MSI2: variants seen among roughly 807,000 people sequenced by gnomAD.
MSI2 encodes musashi RNA binding protein 2, also known as RNA-binding protein Musashi homolog 2.
Under a neutral mutation model 45.6 loss-of-function variants are expected in MSI2, and 17 were observed. That is an observed-to-expected ratio of 0.37 (90% CI 0.26 to 0.56). MSI2 has a LOEUF of 0.56. Ranked by LOEUF, MSI2 falls within the 20% of genes least tolerant of loss-of-function variation. The probability of loss-of-function intolerance (pLI) is 0.77; values close to 1 mark genes in which losing one functional copy is unlikely to be tolerated. For synonymous variants in MSI2, 156 were observed against 158.2 expected (o/e 0.99, Z 0.11); for missense variants, 293 against 444.2 (o/e 0.66, Z 3.06).
intron 8 of MSI2, among the ~76,000 whole-genome samples, chr17:57,608,755 A>C (rs1204415227): frequency 6.6e-6 from 1 of 152,212 alleles, no homozygotes; most frequent in Non-Finnish European, 1.5e-5. Context: ...GCAGGTACAC[A>C]GTAGGAGTTG....
intron 10 of MSI2, among the ~76,000 whole-genome samples, chr17:57,640,357 A>G (rs115978548): frequency 0.019 from 2,902 of 152,348 alleles, 58 homozygotes; most frequent in South Asian, 0.074. Flanking sequence ...CGAATTATCA[A>G]TGTTATCTAT....
Position 57,597,495 on chromosome 17 carries a change from C to G in MSI2, c.537+545C>G, listed in dbSNP as rs577542231. On this transcript the variant is annotated intron_variant, in intron 8 of 13. Coordinates refer to ENST00000284073, the MANE Select transcript of MSI2 (RefSeq NM_138962.4). ...AAAAAAAAAAAAAAAAAAAAATTAGCTGGGTGCAGTGCACCTGTACCCCAC... is the reference window on the plus strand; with the variant it reads ...AAAAAAAAAAAAAAAAAAAAATTAGGTGGGTGCAGTGCACCTGTACCCCAC... Among the ~76,000 whole-genome samples, 297 of 82,588 alleles carry G rather than the reference C, an allele frequency of 3.6e-3. 1 individual carries two copies. Among genetic ancestry groups the G allele is most frequent in the Middle Eastern group, 0.017 (3 of 178 alleles). 54.2% of individuals were successfully genotyped at this position (82,588 alleles called of 152,430 possible).
At chr17:57,303,730 G>A (rs1395676493) in intron 5 of MSI2, among the ~76,000 whole-genome samples, 3 of 152,198 alleles carry the variant, frequency 2.0e-5, no homozygotes, top group African/African-American at 7.2e-5. Context: ...CTTTGAGGAA[G>A]AAGACACTAG....
At chr17:57,574,688 G>C (rs1393777755) in intron 7 of MSI2, among the ~76,000 whole-genome samples, 1 of 152,188 alleles carries the variant, frequency 6.6e-6, no homozygotes, top group Non-Finnish European at 1.5e-5. Flanking sequence ...GTCTCTCTCT[G>C]AGTGTGGGTT....
intron 5 of MSI2, among the ~76,000 whole-genome samples, chr17:57,284,589 G>GT (rs1384062671): frequency 6.6e-6 from 1 of 152,176 alleles, no homozygotes; most frequent in Admixed American, 6.5e-5. Flanking sequence ...GTAATCCCAC[G>GT]TAAAACACTC....
chr17:57,622,134 T>G (rs1393451181), intron 9 of MSI2, among the ~76,000 whole-genome samples: 2 of 152,178 alleles, frequency 1.3e-5, no homozygotes, highest in Non-Finnish European at 2.9e-5. Context: ...GAGGCTGAGG[T>G]TGCAGTGAGC....
At chr17:57,570,571 C>T (rs1482095379) in intron 7 of MSI2, among the ~76,000 whole-genome samples, 16 of 152,184 alleles carry the variant, frequency 1.1e-4, no homozygotes, top group Admixed American at 1.0e-3. Flanking sequence ...AACACTCTTC[C>T]CTGCCTGCCT....
At chr17:57,389,659 G>T (rs1275076813) in intron 5 of MSI2, among the ~76,000 whole-genome samples, 1 of 152,174 alleles carries the variant, frequency 6.6e-6, no homozygotes, top group Admixed American at 6.5e-5. Flanking sequence ...TAATGAACAT[G>T]GCTTGCCACT....
At chr17:57,370,306 G>C (rs187849198) in intron 5 of MSI2, among the ~76,000 whole-genome samples, 1 of 152,336 alleles carries the variant, frequency 6.6e-6, no homozygotes, top group East Asian at 1.9e-4. Flanking sequence ...AATGCAGCTA[G>C]ATTGTGGAAA....
intron 5 of MSI2, among the ~76,000 whole-genome samples, chr17:57,281,312 C>G (rs1909396535): frequency 6.6e-6 from 1 of 152,178 alleles, no homozygotes; most frequent in African/African-American, 2.4e-5. Context: ...AGCACCTCTA[C>G]TACCTGCAAC....
chr17:57,660,185 T>C lies in MSI2; in HGVS notation c.790+8024T>C, dbSNP rs370364115. On this transcript the variant is annotated intron_variant, in intron 11 of 13. Transcript: ENST00000284073. The stretch of plus-strand genomic sequence containing the variant: ...TTCTCATTTCAATACTGTCTTTATA[T>C]TGGTTTTCCTCATGGTGGCAAAATG... Among the ~76,000 whole-genome samples the C allele has an allele frequency of 2.6e-5, 4 of 152,208 alleles. No homozygotes were observed. The East Asian group carries it at 7.7e-4, about 29-fold the overall frequency.
chr17:57,415,942 C>T (rs2084286549), intron 6 of MSI2, among the ~76,000 whole-genome samples: 1 of 152,090 alleles, frequency 6.6e-6, no homozygotes, highest in African/African-American at 2.4e-5. Flanking sequence ...TTTTTTTCCT[C>T]TTATGCTAAT....
intron 2 of MSI2, 22 bp downstream of exon 2, chr17:57,257,160 G>A (rs1002601634): frequency 3.4e-6 from 5 of 1,463,736 alleles, no homozygotes; most frequent in East Asian, 2.5e-5. Flanking sequence ...AGGGGGGGAC[G>A]CCTGGGTCCC....
chr17:57,567,001 G>A (rs548384564), intron 7 of MSI2, among the ~76,000 whole-genome samples: 1 of 152,314 alleles, frequency 6.6e-6, no homozygotes, highest in Admixed American at 6.5e-5. Context: ...GCCCTGGAGG[G>A]TGATGTTTCT....
chr17:57,646,006 G>A (rs1199476967), intron 10 of MSI2, among the ~76,000 whole-genome samples: 1 of 152,146 alleles, frequency 6.6e-6, no homozygotes, highest in Non-Finnish European at 1.5e-5. Context: ...GCTACTTCTT[G>A]TAGGCAGTGC....
chr17:57,578,287 A>G (rs935385712), intron 7 of MSI2, among the ~76,000 whole-genome samples: 1 of 152,192 alleles, frequency 6.6e-6, no homozygotes, highest in Non-Finnish European at 1.5e-5. Context: ...GAAGCAAATG[A>G]AAGTGCTTAG....
intron 3 of MSI2, among the ~76,000 whole-genome samples, chr17:57,257,965 CA>C (rs1414580525): frequency 2.0e-5 from 3 of 152,010 alleles, no homozygotes; most frequent in African/African-American, 7.2e-5. Flanking sequence ...CGGAATAAAA[CA>C]AAGCGTTAAG....
At chr17:57,538,794 A>T (rs1472817304) in intron 7 of MSI2, among the ~76,000 whole-genome samples, 4 of 152,204 alleles carry the variant, frequency 2.6e-5, no homozygotes, top group Non-Finnish European at 4.4e-5. Flanking sequence ...TGCCTGCAAA[A>T]TCGGTAACAA....
At chr17:57,363,316 C>T (rs149185081) in intron 5 of MSI2, among the ~76,000 whole-genome samples, 149 of 152,292 alleles carry the variant, frequency 9.8e-4, no homozygotes, top group African/African-American at 3.5e-3. Flanking sequence ...CCATAGAGCT[C>T]CCCACCCCTT....
Sources: allele counts gnomAD v4.1 joint callset (sites outside exome capture counted in the v4.1 genomes callset), GRCh38; gene constraint gnomAD v4.1.1; transcripts MANE v1.5; gene names NCBI Gene and HGNC (gene_info 2026-07-23, HGNC 2026-07-21).